Variants in HEATR5B observed in about 807,000 individuals in gnomAD.
HEATR5B encodes HEAT repeat-containing protein 5B.
Under a neutral mutation model 224.1 loss-of-function variants are expected in HEATR5B, and 156 were observed. The observed-to-expected ratio is 0.70, with a 90% CI of 0.61 to 0.80. HEATR5B has a LOEUF of 0.80. Among genes scored for constraint, HEATR5B ranks in the 30% least tolerant of loss-of-function variants. The probability of loss-of-function intolerance (pLI) is 0.00; values close to 1 mark genes in which losing one functional copy is unlikely to be tolerated. For missense variants in HEATR5B, 2,323 were observed against 2,535.5 expected, an observed-to-expected ratio of 0.92 and a Z score of 1.80; for synonymous variants, 1,027 against 893.0, an observed-to-expected ratio of 1.15 and a Z score of -2.68.
At chr2:37,046,434 T>C (rs577210197) in intron 18 of HEATR5B, among the ~76,000 whole-genome samples, 17 of 151,730 alleles carry the variant, frequency 1.1e-4, no homozygotes, top group Non-Finnish European at 1.5e-4. Flanking sequence ...AAGTCAGGAG[T>C]TTGAGACCAG....
At position 36,983,373 on chromosome 2, in the gene HEATR5B, C is replaced by CA. The variant is rs57119983; in HGVS notation, c.5912-1580dup. ...AGAAACCCTATCTCTACTAAAAATA[C>CA]AAAAAAAAAAAAAAAATTAGCCGGG... On this transcript the variant is annotated intron_variant, in intron 35 of 35. Coordinates refer to ENST00000233099, the MANE Select transcript of HEATR5B (RefSeq NM_019024.3). Among the ~76,000 whole-genome samples, 241 of 139,772 alleles carry CA rather than the reference C, an allele frequency of 1.7e-3. 1 individual carries two copies. The highest frequency in any genetic ancestry group is 0.015 in the East Asian group (70 of 4,802). The allele number at this position is 139,772 out of a possible 152,430, so 91.7% of individuals were successfully genotyped here. A position where few individuals can be genotyped will look rare whatever the true frequency, so the allele number is the denominator to read the frequency against.
At chr2:37,071,516 T>C (rs1033367945) in intron 6 of HEATR5B, among the ~76,000 whole-genome samples, 1 of 152,194 alleles carries the variant, frequency 6.6e-6, no homozygotes, top group Non-Finnish European at 1.5e-5. Flanking sequence ...AATAAAGTGC[T>C]GAAAATAAGT....
intron 24 of HEATR5B, among the ~76,000 whole-genome samples, chr2:37,022,267 C>T (rs995284235): frequency 6.6e-6 from 1 of 151,998 alleles, no homozygotes; most frequent in Non-Finnish European, 1.5e-5. Flanking sequence ...AACTCTGCCC[C>T]CAAAGGGTTC....
chr2:36,985,076 A>T (rs1160276487), intron 35 of HEATR5B, among the ~76,000 whole-genome samples: 1 of 152,348 alleles, frequency 6.6e-6, no homozygotes, highest in East Asian at 1.9e-4. Context: ...TGTAAAGTTG[A>T]CAACAAAATT....
intron 2 of HEATR5B, among the ~76,000 whole-genome samples, chr2:37,080,636 T>C (rs1052783138): frequency 6.6e-6 from 1 of 152,016 alleles, no homozygotes; most frequent in African/African-American, 2.4e-5. Context: ...AAATCAAGAA[T>C]TTGGTTTGGG....
chr2:36,981,767 G>C lies in HEATR5B; in HGVS notation c.5939C>G (p.Pro1980Arg). ...NRVQLLALLV[P>R]TLISYLLDEN... ...ATCCAGCAGGTAAGATATCAAAGTGGGAACTAAAAGAGCAAGTAGCTGGAC... is the reference window on the plus strand; with the variant it reads ...ATCCAGCAGGTAAGATATCAAAGTGCGAACTAAAAGAGCAAGTAGCTGGAC... Residue 1980 changes from proline to arginine, a missense_variant, in exon 36 of 36, where the codon CCC becomes CGC. Around this residue, in one of 12 missense-constraint regions of HEATR5B, gnomAD observed 844 missense variants for 812.9 expected, o/e 1.04. Coordinates refer to ENST00000233099, the MANE Select transcript of HEATR5B (RefSeq NM_019024.3). 1.2e-6 allele frequency: 2 copies of C among 1,610,914 alleles called. No homozygotes were observed. Among genetic ancestry groups the C allele is most frequent in the Non-Finnish European group, 1.7e-6 (2 of 1,178,496 alleles).
rs869310641 is a variant in HEATR5B at position 37,059,446 on chromosome 2, G to GTA, written c.1850-461_1850-460dup. 6.9e-3 allele frequency among the ~76,000 whole-genome samples: 290 copies of GTA among 42,276 alleles called. 11 individuals are homozygous for GTA. Among genetic ancestry groups the GTA allele is most frequent in the African/African-American group, 0.019 (238 of 12,478 alleles). The allele number at this position is 42,276 out of a possible 152,430, so 27.7% of individuals were successfully genotyped here. Reference sequence around the variant, plus strand: ...TGTGTGTGTGTGTGTGTGTGTGTGTGTATATATATATATATATATTTTTTT... The same window carrying GTA: ...TGTGTGTGTGTGTGTGTGTGTGTGTGTATATATATATATATATATATTTTTTT... On this transcript the variant is annotated intron_variant, in intron 12 of 35. Coordinates refer to ENST00000233099, the MANE Select transcript of HEATR5B (RefSeq NM_019024.3).
chr2:37,036,167 A>G (rs1669463072), intron 21 of HEATR5B, among the ~76,000 whole-genome samples: 1 of 152,170 alleles, frequency 6.6e-6, no homozygotes, highest in Admixed American at 6.5e-5. Flanking sequence ...CAAAATGTAA[A>G]AAGTGCAAAT....
chr2:36,998,199 A>G (rs763521234), intron 33 of HEATR5B, among the ~76,000 whole-genome samples: 2 of 152,182 alleles, frequency 1.3e-5, no homozygotes, highest in Non-Finnish European at 2.9e-5. Context: ...CAGTTATTTT[A>G]TATTTTCTTT....
rs1217199246 is a variant in HEATR5B, at chr2:37,008,940, A to G, written c.4285-92T>C. On this transcript the variant is annotated intron_variant, in intron 27 of 35. Coordinates refer to ENST00000233099, the MANE Select transcript of HEATR5B (RefSeq NM_019024.3). ...TTATAAAAATACAGTTAAATCATCA[A>G]AGATAACTGGGTATAGATATTAGAA... The G allele has an allele frequency of 9.2e-6, 8 of 865,384 alleles. No homozygotes were observed. The East Asian group carries it at 2.0e-4, about 21-fold the overall frequency. 53.6% of individuals were successfully genotyped at this position (865,384 alleles called of 1,614,324 possible). A position where few individuals can be genotyped will look rare whatever the true frequency, so the allele number is the denominator to read the frequency against.
chr2:37,011,561 T>A (rs556351051), intron 27 of HEATR5B, among the ~76,000 whole-genome samples: 8 of 152,340 alleles, frequency 5.3e-5, no homozygotes, highest in African/African-American at 1.7e-4. Flanking sequence ...CTTTGTAAGT[T>A]ATAATTTTGA....
At chr2:37,016,882 T>A (rs1376521111) in intron 26 of HEATR5B, among the ~76,000 whole-genome samples, 1 of 152,094 alleles carries the variant, frequency 6.6e-6, no homozygotes, top group Non-Finnish European at 1.5e-5. Context: ...GAGATACTGA[T>A]GGCAAAACTT....
intron 15 of HEATR5B, among the ~76,000 whole-genome samples, chr2:37,057,038 A>C (rs1343191060): frequency 1.3e-5 from 2 of 152,206 alleles, no homozygotes; most frequent in Non-Finnish European, 2.9e-5. Context: ...AACAAAACAA[A>C]ATACCAATAA....
intron 24 of HEATR5B, among the ~76,000 whole-genome samples, chr2:37,022,660 GA>G: frequency 6.6e-6 from 1 of 152,242 alleles, no homozygotes; most frequent in Non-Finnish European, 1.5e-5. Context: ...CTCTTGTCAG[GA>G]AACTTAAATC....
Position 37,056,617 on chromosome 2 carries a change from T to C in HEATR5B, c.2224-2A>G, listed in dbSNP as rs776947171. ...TCCAGAGGCACTGTTTGGCTGGAGC[T>C]GCAAAAGAGTGAAATAAAAATTATT... On this transcript the variant is annotated splice_acceptor_variant, in intron 15 of 35. Transcript: ENST00000233099. LOFTEE classifies it high-confidence loss of function. The C allele has an allele frequency of 1.3e-6, 2 of 1,577,004 alleles. No homozygotes were observed. Among genetic ancestry groups the C allele is most frequent in the East Asian group, 2.3e-5 (1 of 43,954 alleles).
chr2:37,049,900 T>A, intron 17 of HEATR5B, 57 bp from the exon 18 acceptor site: 1 of 1,432,862 alleles, frequency 7.0e-7, no homozygotes, highest in Non-Finnish European at 9.2e-7. Flanking sequence ...TTATTATTAT[T>A]TTTTTTTTAA....
intron 20 of HEATR5B, 75 bp from the exon 21 acceptor site, chr2:37,038,099 T>G: frequency 1.0e-6 from 1 of 1,002,100 alleles, no homozygotes; most frequent in Non-Finnish European, 1.4e-6. Flanking sequence ...AGTAAACAAT[T>G]ATCCTCTAAA....
intron 24 of HEATR5B, among the ~76,000 whole-genome samples, chr2:37,026,350 G>A (rs985235145): frequency 1.3e-5 from 2 of 152,194 alleles, no homozygotes; most frequent in African/African-American, 4.8e-5. Flanking sequence ...AGAACTGTAA[G>A]ATGATAAACT....
intron 22 of HEATR5B, among the ~76,000 whole-genome samples, chr2:37,031,157 G>A (rs566966074): frequency 6.6e-6 from 1 of 152,178 alleles, no homozygotes; most frequent in South Asian, 2.1e-4. Context: ...GGGCTCTGGG[G>A]AGCTTGTGCC....
Sources: gnomAD v4.1 joint callset for allele counts (sites outside exome capture counted in the v4.1 genomes callset) on GRCh38, gnomAD v4.1.1 for gene constraint, gnomAD v4.1.1 regional missense constraint, MANE v1.5 for transcripts, NCBI Gene and HGNC (gene_info 2026-07-23, HGNC 2026-07-21) for gene names.